RBP5: variants seen among roughly 807,000 people sequenced by gnomAD.
RBP5 encodes the protein retinol binding protein 5, also known as retinol-binding protein 5.
Under a neutral mutation model 17.8 loss-of-function variants are expected in RBP5, and 12 were observed. The ratio of observed to expected loss-of-function variants is 0.67; its 90% CI spans 0.43 to 1.09. The LOEUF is 1.09. Ranked by LOEUF, RBP5 falls within the 50% of genes least tolerant of loss-of-function variation. RBP5 has a pLI of 0.00. For missense variants in RBP5, 172 were observed against 169.4 expected (o/e 1.02, Z -0.09); for synonymous variants, 64 against 68.1 (o/e 0.94, Z 0.30).
downstream of RBP5, among the ~76,000 whole-genome samples, chr12:7,122,940 C>T (rs1049373543): frequency 1.3e-5 from 2 of 152,100 alleles, no homozygotes; most frequent in African/African-American, 4.8e-5. Context: ...GGCCAGAGCC[C>T]TAGTGACTGT....
downstream of RBP5, among the ~76,000 whole-genome samples, chr12:7,120,125 G>C (rs1939059494): frequency 6.6e-6 from 1 of 152,036 alleles, no homozygotes; most frequent in African/African-American, 2.4e-5. Flanking sequence ...GGGAAAGGGT[G>C]GGGTAGGGGG....
rs1939132899 is a variant in RBP5 at position 7,124,737 on chromosome 12, G to A, written c.253-7C>T. Reference sequence around the variant, plus strand: ...CCTCCCAGGTTACTATGGTCTATAGGGGAAAGAGGGAGTAAAGAAAGATTA... The same window carrying A: ...CCTCCCAGGTTACTATGGTCTATAGAGGAAAGAGGGAGTAAAGAAAGATTA... On this transcript the variant is annotated splice_polypyrimidine_tract_variant and splice_region_variant and intron_variant, in intron 2 of 3. Coordinates refer to ENST00000266560, the MANE Select transcript of RBP5 (RefSeq NM_031491.4). This position sits in a 1 kb window ranked among gnomAD's most constrained non-coding sequence, Gnocchi z 5.3. 6.5e-7 allele frequency: 1 copy of A among 1,535,246 alleles called. No homozygotes were observed. Among genetic ancestry groups the A allele is most frequent in the Non-Finnish European group, 9.0e-7 (1 of 1,108,644 alleles).
downstream of RBP5, among the ~76,000 whole-genome samples, chr12:7,123,371 C>T (rs1939107799): frequency 6.6e-6 from 1 of 152,216 alleles, no homozygotes; most frequent in Admixed American, 6.5e-5. Context: ...ATTCCTTGAC[C>T]TCACATCCTC....
chr12:7,119,346 G>C (rs967800628), downstream of RBP5, among the ~76,000 whole-genome samples: 2 of 151,688 alleles, frequency 1.3e-5, no homozygotes, highest in Non-Finnish European at 2.9e-5. Flanking sequence ...GGGTGGGAAG[G>C]CTAGAGTGGC....
chr12:7,127,845 G>T, intron 2 of RBP5: 1 of 634,038 alleles, frequency 1.6e-6, no homozygotes, highest in Non-Finnish European at 2.9e-6. Flanking sequence ...GGAGGACTAG[G>T]ATCTGCAAAG....
At chr12:7,129,468 G>C (rs1037881705), upstream of RBP5, 1 of 274,428 alleles carries the variant, frequency 3.6e-6, no homozygotes, top group African/African-American at 2.3e-5. The surrounding 1 kb of genome is among the most constrained non-coding windows in gnomAD (Gnocchi z 5.5). Flanking sequence ...AGCCCGAGGG[G>C]TGCTGAGTTC....
Position 7,124,841 on chromosome 12 carries a change from TGCAGCCCCTCCACTGA to T in RBP5, c.253-127_253-112del, listed in dbSNP as rs1939134913. On this transcript the variant is annotated intron_variant, in intron 2 of 3. Transcript: ENST00000266560. This position sits in a 1 kb window ranked among gnomAD's most constrained non-coding sequence, Gnocchi z 5.3. The stretch of plus-strand genomic sequence containing the variant: ...TTACTCCACAGCAGATACTGTCTGC[TGCAGCCCCTCCACTGA>T]GCGAGGGAGCTGCTCTGATTCAGCA... 1 of 676,008 alleles carries T rather than the reference TGCAGCCCCTCCACTGA, an allele frequency of 1.5e-6. No homozygotes were observed. Among genetic ancestry groups the T allele is most frequent in the Admixed American group, 2.1e-5 (1 of 48,110 alleles). The allele number at this position is 676,008 out of a possible 1,614,324, so 41.9% of individuals were successfully genotyped here.
downstream of RBP5, among the ~76,000 whole-genome samples, chr12:7,123,071 T>C (rs958696337): frequency 2.6e-5 from 4 of 152,100 alleles, no homozygotes; most frequent in East Asian, 7.7e-4. Context: ...CACCCTCACA[T>C]TGAGCCCTCT....
At chr12:7,127,428 C>T in intron 2 of RBP5, 1 of 462,090 alleles carries the variant, frequency 2.2e-6, no homozygotes. Flanking sequence ...CCACGCCCAG[C>T]CTTTTCCCAT....
Position 7,128,362 on chromosome 12 carries a change from C to A in RBP5, c.130G>T (p.Glu44Ter), listed in dbSNP as rs775489070. Reference protein sequence around the residue: ...ALLLKPDKEIEHQGNHMTVRT... With the variant: ...ALLLKPDKEI ...ACCGTCATGTGGTTGCCCTGGTGTT[C>A]GATCTCCTTGTCCGGCTTCAGCAGC... The change falls in exon 2 of 4, where the codon GAA becomes TAA. Residue 44 changes from glutamate to a stop codon, truncating the protein, a stop_gained. Transcript: ENST00000266560. LOFTEE classifies it high-confidence loss of function. This position sits in a 1 kb window ranked among gnomAD's most constrained non-coding sequence, Gnocchi z 5.3. 6.2e-7 allele frequency: 1 copy of A among 1,614,226 alleles called. No homozygotes were observed. Among genetic ancestry groups the A allele is most frequent in the Non-Finnish European group, 8.5e-7 (1 of 1,180,040 alleles).
downstream of RBP5, among the ~76,000 whole-genome samples, chr12:7,121,240 G>T (rs1018184557): frequency 2.0e-5 from 3 of 152,108 alleles, no homozygotes; most frequent in African/African-American, 7.2e-5. Flanking sequence ...ACCAGATGGG[G>T]TTCCTGCATC....
At position 7,128,845 on chromosome 12, in the gene RBP5, G is replaced by T; in HGVS notation, c.-70C>A. 8.1e-7 allele frequency: 1 copy of T among 1,232,394 alleles called. No homozygotes were observed. Among genetic ancestry groups the T allele is most frequent in the Non-Finnish European group, 1.2e-6 (1 of 855,380 alleles). The allele number at this position is 1,232,394 out of a possible 1,614,324, so 76.3% of individuals were successfully genotyped here. On this transcript the variant is annotated 5_prime_UTR_variant, in exon 1 of 4. Coordinates refer to ENST00000266560, the MANE Select transcript of RBP5 (RefSeq NM_031491.4). This position sits in a 1 kb window ranked among gnomAD's most constrained non-coding sequence, Gnocchi z 5.3. ...AAGGAGGGGGTGTTGTCTGGCAGGTGAGGCTGAGAGATTCCAGCCAGCTCC... is the reference window on the plus strand; with the variant it reads ...AAGGAGGGGGTGTTGTCTGGCAGGTTAGGCTGAGAGATTCCAGCCAGCTCC...
At chr12:7,129,957 C>G (rs1433547050), upstream of RBP5, 11 of 315,334 alleles carry the variant, frequency 3.5e-5, no homozygotes, top group Non-Finnish European at 4.6e-5. The surrounding 1 kb of genome is among the most constrained non-coding windows in gnomAD (Gnocchi z 5.5). Context: ...CAGGCTCAGA[C>G]TGAGGGTTTT....
At position 7,128,033 on chromosome 12, in the gene RBP5, G is replaced by C. The variant is rs147497311; in HGVS notation, c.252+207C>G. ...CCCTTTGGGCTGGTGATAAGAGGGG[G>C]CAGGGAAGAAGTGGGAGAGAGACAG... On this transcript the variant is annotated intron_variant, in intron 2 of 3. Transcript: ENST00000266560. The surrounding 1 kb of genome is among the most constrained non-coding windows in gnomAD (Gnocchi z 5.3). Among the ~76,000 whole-genome samples, 313 of 152,344 alleles carry C rather than the reference G, an allele frequency of 2.1e-3. 1 individual carries two copies. Among genetic ancestry groups the C allele is most frequent in the African/African-American group, 7.2e-3 (301 of 41,566 alleles).
Position 7,128,289 on chromosome 12 carries a change from C to G in RBP5, c.203G>C (p.Gly68Ala), listed in dbSNP as rs1458653492. The change falls in exon 2 of 4, where the codon GGA becomes GCA. Residue 68 changes from glycine to alanine, a missense_variant. Coordinates refer to ENST00000266560, the MANE Select transcript of RBP5 (RefSeq NM_031491.4). This position sits in a 1 kb window ranked among gnomAD's most constrained non-coding sequence, Gnocchi z 5.3. Reference protein sequence around the residue: ...FRNYTVQFDVGVEFEEDLRSV... With the variant: ...FRNYTVQFDVAVEFEEDLRSV... The stretch of plus-strand genomic sequence containing the variant: ...CCTGAGGTCCTCCTCAAACTCCACT[C>G]CCACATCAAACTGCACAGTGTAGTT... The G allele has an allele frequency of 6.2e-7, 1 of 1,614,080 alleles. No individual in the cohort carries two copies. The highest frequency in any genetic ancestry group is 1.3e-5 in the African/African-American group (1 of 74,942).
At chr12:7,127,057 A>G (rs34350168) in intron 2 of RBP5, among the ~76,000 whole-genome samples, 11,728 of 136,536 alleles carry the variant, frequency 0.086, 502 homozygotes, top group East Asian at 0.18. Context: ...CAGTGGTGCG[A>G]TCTTGGCTCA....
chr12:7,128,953 C>A (rs1939228211), upstream of RBP5: 2 of 612,376 alleles, frequency 3.3e-6, no homozygotes, highest in Non-Finnish European at 6.1e-6. This position sits in a 1 kb window ranked among gnomAD's most constrained non-coding sequence, Gnocchi z 5.3. Context: ...GAGTCCCTAC[C>A]AGACTTCTTC....
chr12:7,124,807 C>A lies in RBP5; in HGVS notation c.253-77G>T. On this transcript the variant is annotated intron_variant, in intron 2 of 3. Transcript: ENST00000266560. This position sits in a 1 kb window ranked among gnomAD's most constrained non-coding sequence, Gnocchi z 5.3. ...TGCTTCCCATCTCACTCTGAATGGG[C>A]TCCCCCTTTTACTCCACAGCAGATA... The A allele has an allele frequency of 1.2e-6, 1 of 850,286 alleles. No individual in the cohort carries two copies. Among genetic ancestry groups the A allele is most frequent in the East Asian group, 2.5e-5 (1 of 40,808 alleles). 52.7% of individuals were successfully genotyped at this position (850,286 alleles called of 1,614,324 possible). A position where few individuals can be genotyped will look rare whatever the true frequency, so the allele number is the denominator to read the frequency against.
intron 2 of RBP5, among the ~76,000 whole-genome samples, chr12:7,127,220 T>G (rs1251181672): frequency 6.6e-6 from 1 of 152,014 alleles, no homozygotes; most frequent in Non-Finnish European, 1.5e-5. Context: ...TCTCGAACTC[T>G]TGACCTCAGG....
Sources: allele counts gnomAD v4.1 joint callset (sites outside exome capture counted in the v4.1 genomes callset), GRCh38; gene constraint gnomAD v4.1.1; non-coding constraint Gnocchi (gnomAD v3.1); transcripts MANE v1.5; gene names NCBI Gene and HGNC (gene_info 2026-07-23, HGNC 2026-07-21).